LMBR1: variants seen among roughly 807,000 people sequenced by gnomAD.
LMBR1 encodes the protein limb region 1 protein homolog.
In LMBR1, 52 loss-of-function variants were observed where a neutral mutation model predicts 73.9. The observed-to-expected ratio is 0.70, with a 90% CI of 0.56 to 0.89. LMBR1 has a LOEUF of 0.89. LMBR1 is among the 40% of genes least tolerant of loss of function. LMBR1 has a pLI of 0.00. For missense variants in LMBR1, 539 were observed against 579.8 expected, an observed-to-expected ratio of 0.93 and a Z score of 0.72; for synonymous variants, 215 against 209.4, an observed-to-expected ratio of 1.03 and a Z score of -0.23.
chr7:156,763,771 T>A lies in LMBR1; in HGVS notation c.448A>T (p.Thr150Ser). The change falls in exon 6 of 17, where the codon ACT (threonine) becomes TCT (serine). Residue 150 changes from threonine to serine, a missense_variant. Around this residue, in one of 3 missense-constraint regions of LMBR1, gnomAD observed 454 missense variants for 473.4 expected, o/e 0.96. Coordinates refer to ENST00000353442, the MANE Select transcript of LMBR1 (RefSeq NM_022458.4). ...GCAAGAAGAAGAAGCATGACCAAAG[T>A]CTCTAAAATGCGGGCTCGGATTCCC... ...KKGIRARILE[T>S]LVMLLLLALL... is the part of the protein sequence containing the mutation. The A allele has an allele frequency of 1.3e-6, 2 of 1,599,836 alleles. No homozygotes were observed. Among genetic ancestry groups the A allele is most frequent in the Non-Finnish European group, 8.5e-7 (1 of 1,176,244 alleles).
At chr7:156,673,257 AG>A (rs1291538284), downstream of LMBR1, among the ~76,000 whole-genome samples, 1 of 152,208 alleles carries the variant, frequency 6.6e-6, no homozygotes, top group Non-Finnish European at 1.5e-5. Context: ...CTTGCTTTTC[AG>A]GCATATGTGG....
chr7:156,731,690 T>C (rs1294314931), intron 10 of LMBR1, among the ~76,000 whole-genome samples: 2 of 152,062 alleles, frequency 1.3e-5, no homozygotes, highest in African/African-American at 4.8e-5. Flanking sequence ...AAATGAACAT[T>C]AGAAATGTAA....
chr7:156,685,703 G>A lies in LMBR1; in HGVS notation c.1388-1540C>T, dbSNP rs944214337. On this transcript the variant is annotated intron_variant, in intron 16 of 16. Coordinates refer to ENST00000353442, the MANE Select transcript of LMBR1 (RefSeq NM_022458.4). This position sits in a 1 kb window ranked among gnomAD's most constrained non-coding sequence, Gnocchi z 4.1. ...CCACTGTCACATAGGCAAGTGGTCT[G>A]TTATTGACCAAATGATCATCATGTG... Among the ~76,000 whole-genome samples, 4 of 152,260 alleles carry A rather than the reference G, an allele frequency of 2.6e-5. No homozygotes were observed. The highest frequency in any genetic ancestry group is 7.2e-5 in the African/African-American group (3 of 41,464).
At chr7:156,733,404 CAA>C (rs1172206181) in intron 10 of LMBR1, among the ~76,000 whole-genome samples, 2 of 151,720 alleles carry the variant, frequency 1.3e-5, no homozygotes, top group Non-Finnish European at 2.9e-5. Context: ...TATATTTTCA[CAA>C]AGAGGGAGGA....
chr7:156,771,616 T>C (rs1825203019), intron 5 of LMBR1, among the ~76,000 whole-genome samples: 1 of 152,078 alleles, frequency 6.6e-6, no homozygotes, highest in Non-Finnish European at 1.5e-5. Flanking sequence ...TAGAAAACGC[T>C]CAGGATCAGA....
chr7:156,782,918 T>C (rs979258653), intron 5 of LMBR1, among the ~76,000 whole-genome samples: 2 of 152,192 alleles, frequency 1.3e-5, no homozygotes, highest in African/African-American at 4.8e-5. Context: ...TATTGGCCAT[T>C]TGTGTATCTT....
At position 156,725,530 on chromosome 7, in the gene LMBR1, G is replaced by A. The variant is rs1283203719; in HGVS notation, c.1068-5C>T. On this transcript the variant is annotated splice_region_variant and splice_polypyrimidine_tract_variant and intron_variant, in intron 13 of 16. Transcript: ENST00000353442. ...ACAGAGGACACCATAAGATAGCTGTGAGAATCAAGGAAAAAAACTCTCCAA... is the reference window on the plus strand; with the variant it reads ...ACAGAGGACACCATAAGATAGCTGTAAGAATCAAGGAAAAAAACTCTCCAA... 6.4e-7 allele frequency: 1 copy of A among 1,568,284 alleles called. No individual in the cohort carries two copies. Among genetic ancestry groups the A allele is most frequent in the Non-Finnish European group, 8.7e-7 (1 of 1,153,798 alleles).
intron 1 of LMBR1, among the ~76,000 whole-genome samples, chr7:156,839,269 G>T (rs191970733): frequency 6.6e-6 from 1 of 151,888 alleles, no homozygotes; most frequent in South Asian, 2.1e-4. Context: ...GGCTGGTCTC[G>T]AACTCCTGAC....
intron 5 of LMBR1, among the ~76,000 whole-genome samples, chr7:156,788,676 TAAG>T (rs1489075008): frequency 2.0e-5 from 3 of 151,940 alleles, no homozygotes; most frequent in African/African-American, 7.3e-5. Context: ...TTTAAAAAAA[TAAG>T]AAATAGTACG....
chr7:156,674,548 G>A (rs548633246), downstream of LMBR1, among the ~76,000 whole-genome samples: 187 of 152,272 alleles, frequency 1.2e-3, no homozygotes, highest in African/African-American at 4.2e-3. Flanking sequence ...AGATGACACT[G>A]GTGGCCACTC....
At chr7:156,785,231 T>G (rs1827861047) in intron 5 of LMBR1, among the ~76,000 whole-genome samples, 1 of 151,990 alleles carries the variant, frequency 6.6e-6, no homozygotes, top group South Asian at 2.1e-4. Context: ...GAGCCAAGAT[T>G]GCACCACTGC....
At chr7:156,717,752 G>C (rs183916448) in intron 15 of LMBR1, among the ~76,000 whole-genome samples, 1 of 152,270 alleles carries the variant, frequency 6.6e-6, no homozygotes, top group East Asian at 1.9e-4. Flanking sequence ...AGGCAGCATA[G>C]GAAGTTAAGA....
intron 3 of LMBR1, among the ~76,000 whole-genome samples, chr7:156,830,761 A>C (rs1449698506): frequency 6.6e-6 from 1 of 152,218 alleles, no homozygotes; most frequent in Admixed American, 6.5e-5. Context: ...AGGATCACCT[A>C]TGGAGCTTTT....
chr7:156,723,140 C>A (rs1338560958), intron 15 of LMBR1, among the ~76,000 whole-genome samples: 1 of 46,388 alleles, frequency 2.2e-5, no homozygotes, highest in Non-Finnish European at 4.0e-5. Context: ...ACAGTGGTCC[C>A]TTTACATTTA....
At chr7:156,838,683 G>C (rs1049667602) in intron 1 of LMBR1, among the ~76,000 whole-genome samples, 3 of 152,028 alleles carry the variant, frequency 2.0e-5, no homozygotes, top group African/African-American at 7.2e-5. Flanking sequence ...GAACATGGGA[G>C]GGCAGGTATC....
At chr7:156,673,184 T>C (rs1416478729), downstream of LMBR1, among the ~76,000 whole-genome samples, 1 of 152,218 alleles carries the variant, frequency 6.6e-6, no homozygotes, top group East Asian at 1.9e-4. Context: ...TTGAAACACT[T>C]TGCAAGGTCT....
chr7:156,688,247 G>A, intron 15 of LMBR1, 56 bp from the exon 16 acceptor site: 1 of 1,260,806 alleles, frequency 7.9e-7, no homozygotes, highest in South Asian at 1.5e-5. Context: ...CATATTTAGT[G>A]TGCTACAAGT....
At chr7:156,830,896 C>T (rs1174299332) in intron 3 of LMBR1, among the ~76,000 whole-genome samples, 3 of 152,128 alleles carry the variant, frequency 2.0e-5, no homozygotes, top group Admixed American at 1.3e-4. Context: ...GAACAGTGAA[C>T]GAACACAAGC....
chr7:156,780,982 T>C (rs1280775269), intron 5 of LMBR1, among the ~76,000 whole-genome samples: 1 of 152,244 alleles, frequency 6.6e-6, no homozygotes, highest in African/African-American at 2.4e-5. Flanking sequence ...CTTCTTTTAC[T>C]GGAACGTTAG....
Sources: allele counts gnomAD v4.1 joint callset (sites outside exome capture counted in the v4.1 genomes callset), GRCh38; gene constraint gnomAD v4.1.1; regional missense constraint gnomAD v4.1.1; non-coding constraint Gnocchi (gnomAD v3.1); transcripts MANE v1.5; gene names NCBI Gene and HGNC (gene_info 2026-07-23, HGNC 2026-07-21).